The following DYNC2I1 variants were observed in gnomAD, a reference collection of about 807,000 sequenced individuals.
The protein encoded by DYNC2I1 is dynein 2 intermediate chain 1, also known as cytoplasmic dynein 2 intermediate chain 1.
A neutral mutation model predicts 133.4 loss-of-function variants in DYNC2I1; 89 were observed. The observed-to-expected ratio is 0.67, with a 90% CI of 0.56 to 0.80. The LOEUF is 0.80. Ranked by LOEUF, DYNC2I1 falls within the 30% of genes least tolerant of loss-of-function variation. The pLI, the probability that DYNC2I1 is intolerant of heterozygous loss-of-function variation, is 0.00. For missense variants in DYNC2I1, 1,291 were observed against 1,314.5 expected, an observed-to-expected ratio of 0.98 and a Z score of 0.28; for synonymous variants, 504 against 484.3, an observed-to-expected ratio of 1.04 and a Z score of -0.54.
At chr7:158,847,208 G>GT in the DYNC2I1 span, among the ~76,000 whole-genome samples, 1 of 151,984 alleles carries the variant, frequency 6.6e-6, no homozygotes, top group African/African-American at 2.4e-5. Context: ...AGTAACCTCA[G>GT]TTTTTTTCAC....
chr7:158,895,983 C>T (rs889163970), intron 8 of DYNC2I1, among the ~76,000 whole-genome samples: 3 of 152,156 alleles, frequency 2.0e-5, no homozygotes, highest in African/African-American at 7.2e-5. Flanking sequence ...TGTTCTGTGA[C>T]CTTGCTGTAA....
intron 4 of DYNC2I1, 147 bp from the exon 5 acceptor site, chr7:158,879,537 T>C (rs1314024120): frequency 2.6e-6 from 2 of 779,756 alleles, no homozygotes. Flanking sequence ...AAAAAGTCTG[T>C]ACATGTTTAC....
In DYNC2I1 at chr7:158,922,236, G is replaced by A. The variant is rs529040270; in HGVS notation, c.1922-141G>A. The stretch of plus-strand genomic sequence containing the variant: ...GCTGTGGCCGTTCATCAAAACCTAC[G>A]TTTCATGTATGTTGGTTTCGAAAGG... On this transcript the variant is annotated intron_variant, in intron 15 of 24. Coordinates refer to ENST00000407559, the MANE Select transcript of DYNC2I1 (RefSeq NM_018051.5). The A allele has an allele frequency of 8.0e-4, 607 of 755,362 alleles. 2 individuals are homozygous for A. The highest frequency in any genetic ancestry group is 1.2e-3 in the Middle Eastern group (5 of 4,084). 46.8% of individuals were successfully genotyped at this position (755,362 alleles called of 1,614,324 possible).
At chr7:158,872,507 T>C (rs1188973) in intron 3 of DYNC2I1, among the ~76,000 whole-genome samples, 65,900 of 151,622 alleles carry the variant, frequency 0.43, 15,411 homozygotes, top group East Asian at 0.7. Flanking sequence ...TGGTGGCGTG[T>C]GCCTGTAATC....
chr7:158,949,139 C>T (rs1329051410), downstream of DYNC2I1, among the ~76,000 whole-genome samples: 10 of 152,112 alleles, frequency 6.6e-5, no homozygotes, highest in African/African-American at 2.2e-4. Context: ...CCAACAGCAC[C>T]TCTGGCCTCC....
chr7:158,942,476 G>A (rs1054330975), intron 24 of DYNC2I1, among the ~76,000 whole-genome samples: 7 of 152,116 alleles, frequency 4.6e-5, no homozygotes, highest in Non-Finnish European at 1.0e-4. Context: ...CTCTTGGGTT[G>A]TGCATTTAAA....
chr7:158,916,212 G>A (rs1352816687), intron 14 of DYNC2I1, among the ~76,000 whole-genome samples: 1 of 66,014 alleles, frequency 1.5e-5, no homozygotes, highest in Non-Finnish European at 3.5e-5. Context: ...ATTGTGAAAC[G>A]TCTACACGCT....
chr7:158,886,347 T>G (rs1844604049), intron 6 of DYNC2I1, among the ~76,000 whole-genome samples: 1 of 152,112 alleles, frequency 6.6e-6, no homozygotes, highest in Non-Finnish European at 1.5e-5. Flanking sequence ...TTGGCCAGAC[T>G]GGTCTCGAAC....
chr7:158,853,642 T>C (rs539291526), upstream of DYNC2I1, among the ~76,000 whole-genome samples: 1 of 149,138 alleles, frequency 6.7e-6, no homozygotes, highest in East Asian at 2.0e-4. Context: ...GCCGGCTGTA[T>C]GGGAGACCAG....
At chr7:158,882,817 G>A (rs1158285821) in intron 5 of DYNC2I1, among the ~76,000 whole-genome samples, 1 of 151,388 alleles carries the variant, frequency 6.6e-6, no homozygotes, top group African/African-American at 2.4e-5. Context: ...AAGAGGTTAC[G>A]GTGAACTGAG....
intron 5 of DYNC2I1, among the ~76,000 whole-genome samples, chr7:158,880,805 A>G (rs536410858): frequency 6.6e-6 from 1 of 152,232 alleles, no homozygotes; most frequent in East Asian, 1.9e-4. Flanking sequence ...TTTTGTTCTC[A>G]TGAGTGTGCT....
chr7:158,859,642 A>C (rs931103715), intron 1 of DYNC2I1, among the ~76,000 whole-genome samples: 7 of 152,168 alleles, frequency 4.6e-5, no homozygotes, highest in African/African-American at 1.7e-4. Flanking sequence ...AGCTGGGATT[A>C]CAGATGTGTG....
At chr7:158,955,899 G>A (rs1233693941) in intron 4 of DYNC2I1, among the ~76,000 whole-genome samples, 2 of 152,236 alleles carry the variant, frequency 1.3e-5, no homozygotes, top group African/African-American at 4.8e-5. Context: ...AAGTAGAAAT[G>A]TGTGTCCTCA....
intron 1 of DYNC2I1, among the ~76,000 whole-genome samples, chr7:158,857,390 TC>T (rs1841374732): frequency 6.6e-6 from 1 of 152,200 alleles, no homozygotes; most frequent in African/African-American, 2.4e-5. Flanking sequence ...ATTATTCTTA[TC>T]TATTGATTCC....
At chr7:158,928,745 G>C (rs950486759) in intron 20 of DYNC2I1, among the ~76,000 whole-genome samples, 1 of 147,662 alleles carries the variant, frequency 6.8e-6, no homozygotes, top group African/African-American at 2.5e-5. Context: ...CACAGGTCAC[G>C]GGATGGGTTA....
intron 3 of DYNC2I1, among the ~76,000 whole-genome samples, chr7:158,874,902 C>T (rs1001894434): frequency 4.6e-5 from 7 of 152,124 alleles, no homozygotes; most frequent in Admixed American, 1.3e-4. Context: ...GCAGGCTTGC[C>T]TGTCTCAGTT....
chr7:158,841,632 A>AG, the DYNC2I1 span, among the ~76,000 whole-genome samples: 1 of 152,260 alleles, frequency 6.6e-6, no homozygotes, highest in African/African-American at 2.4e-5. Context: ...ATTATAAGAT[A>AG]GAATGTAACT....
At chr7:158,911,115 G>A (rs951756614) in intron 11 of DYNC2I1, among the ~76,000 whole-genome samples, 1 of 152,218 alleles carries the variant, frequency 6.6e-6, no homozygotes, top group Non-Finnish European at 1.5e-5. Flanking sequence ...CTGTGGCCTG[G>A]AAAAGAGCGT....
At chr7:158,893,790 T>C (rs551281802) in intron 8 of DYNC2I1, among the ~76,000 whole-genome samples, 220 of 151,608 alleles carry the variant, frequency 1.5e-3, no homozygotes, top group African/African-American at 5.1e-3. Context: ...TACCACATAT[T>C]GTAATGCATG....
Sources: gnomAD v4.1 joint callset for allele counts (sites outside exome capture counted in the v4.1 genomes callset) on GRCh38, gnomAD v4.1.1 for gene constraint, MANE v1.5 for transcripts, NCBI Gene and HGNC (gene_info 2026-07-23, HGNC 2026-07-21) for gene names.